FBP2: variants seen among roughly 807,000 people sequenced by gnomAD.
FBP2 encodes fructose-1,6-bisphosphatase isozyme 2.
FBP2 carries 27 observed loss-of-function variants against 31.6 expected under a neutral mutation model. That is an observed-to-expected ratio of 0.85 (90% confidence interval 0.63 to 1.18). The LOEUF (loss-of-function observed/expected upper bound fraction) is 1.18, where lower values mean the gene tolerates loss of function less well. Ranked by LOEUF, FBP2 falls within the 50% of genes most tolerant of loss-of-function variation. The pLI is 0.00. For missense variants in FBP2, 421 were observed against 436.1 expected (o/e 0.97, Z 0.31); for synonymous variants, 168 against 179.8 (o/e 0.93, Z 0.53).
chr9:94,568,158 T>C (rs939297759), intron 4 of FBP2: 4 of 151,986 alleles, frequency 2.6e-5, no homozygotes, highest in African/African-American at 4.8e-5. Flanking sequence ...GTACAGTTAT[T>C]TTGTTTATGT....
chr9:94,587,286 C>G, intron 2 of FBP2, 21 bp downstream of exon 2: 1 of 1,586,830 alleles, frequency 6.3e-7, no homozygotes, highest in Non-Finnish European at 8.5e-7. Context: ...GGCGAGCGGG[C>G]ACCGCAGCCC....
intron 1 of FBP2, among the ~76,000 whole-genome samples, chr9:94,590,443 C>T (rs550227274): frequency 6.0e-5 from 4 of 66,892 alleles, no homozygotes; most frequent in South Asian, 4.9e-4. Flanking sequence ...CAGGGGCTTG[C>T]GGTCCCCTGC....
intron 3 of FBP2, among the ~76,000 whole-genome samples, chr9:94,576,090 C>G (rs1373531432): frequency 1.3e-5 from 2 of 152,134 alleles, no homozygotes; most frequent in Non-Finnish European, 2.9e-5. Flanking sequence ...GACCTAGCTG[C>G]AAAATTCCAG....
intron 2 of FBP2, 49 bp downstream of exon 2, chr9:94,587,258 T>G: frequency 6.6e-7 from 1 of 1,521,500 alleles, no homozygotes; most frequent in Non-Finnish European, 8.9e-7. Context: ...TATTTCCGGC[T>G]CAGTATCATC....
intron 3 of FBP2, among the ~76,000 whole-genome samples, chr9:94,583,612 G>T (rs1827394365): frequency 6.6e-6 from 1 of 152,110 alleles, no homozygotes; most frequent in Admixed American, 6.6e-5. Context: ...GCTATGGATT[G>T]TTTGTTTGAG....
At chr9:94,591,585 G>C (rs955972983) in intron 1 of FBP2, among the ~76,000 whole-genome samples, 2 of 152,224 alleles carry the variant, frequency 1.3e-5, no homozygotes, top group Non-Finnish European at 2.9e-5. Flanking sequence ...CCAGAAAGTG[G>C]CTCCCACAGT....
rs1174386595 is a variant in FBP2, at chr9:94,561,352, A to ATTTTTTTTTTTTT, written c.825+1977_825+1989dup. Among the ~76,000 whole-genome samples, 21 of 54,988 alleles carry ATTTTTTTTTTTTT rather than the reference A, an allele frequency of 3.8e-4. 6 individuals carry two copies. Among genetic ancestry groups the ATTTTTTTTTTTTT allele is most frequent in the African/African-American group, 8.6e-4 (11 of 12,802 alleles). 36.1% of individuals were successfully genotyped at this position (54,988 alleles called of 152,430 possible). ...GCAGGCCATGTGACATGTGACCTGT[A>ATTTTTTTTTTTTT]TTTTTTTTTTTTTTTTTTTTTTTTT... On this transcript the variant is annotated intron_variant, in intron 6 of 6. Transcript: ENST00000375337.
At chr9:94,568,425 T>C (rs1827225369) in intron 4 of FBP2, 1 of 152,166 alleles carries the variant, frequency 6.6e-6, no homozygotes, top group Non-Finnish European at 1.5e-5. Flanking sequence ...TCACTAAAAA[T>C]GGGATCAGCT....
At chr9:94,562,763 T>G (rs373032941) in intron 6 of FBP2, among the ~76,000 whole-genome samples, 114 of 152,276 alleles carry the variant, frequency 7.5e-4, no homozygotes, top group African/African-American at 2.7e-3. Flanking sequence ...AATACAAGTA[T>G]TTTAAGTTTT....
intron 6 of FBP2, among the ~76,000 whole-genome samples, chr9:94,562,337 G>A (rs1827121988): frequency 6.9e-6 from 1 of 144,804 alleles, no homozygotes; most frequent in Admixed American, 7.0e-5. Flanking sequence ...AAAAAAGAAT[G>A]TCCATTGTCC....
chr9:94,577,386 T>C (rs1827325618), intron 3 of FBP2: 1 of 152,258 alleles, frequency 6.6e-6, no homozygotes, highest in Non-Finnish European at 1.5e-5. Flanking sequence ...GGTTACATAT[T>C]CTGGCCCATT....
chr9:94,593,772 G>C lies in FBP2; in HGVS notation c.-46C>G. ...TCCTTTTCTCCCGGCAGGAAACCTTGCTTACTTCTGAGGGCTGCAGCTCCG... is the reference window on the plus strand; with the variant it reads ...TCCTTTTCTCCCGGCAGGAAACCTTCCTTACTTCTGAGGGCTGCAGCTCCG... On this transcript the variant is annotated 5_prime_UTR_variant, in exon 1 of 7. Transcript: ENST00000375337. 1 of 1,603,470 alleles carries C rather than the reference G, an allele frequency of 6.2e-7. No individual in the cohort carries two copies. Among genetic ancestry groups the C allele is most frequent in the Non-Finnish European group, 8.5e-7 (1 of 1,173,370 alleles).
At chr9:94,592,511 C>T (rs1454378488) in intron 1 of FBP2, among the ~76,000 whole-genome samples, 2 of 152,072 alleles carry the variant, frequency 1.3e-5, no homozygotes, top group African/African-American at 4.8e-5. Flanking sequence ...ACAAGGGAAG[C>T]CCAAAGAAAG....
At chr9:94,569,260 T>G (rs1827238503) in intron 4 of FBP2, 1 of 152,320 alleles carries the variant, frequency 6.6e-6, no homozygotes, top group Non-Finnish European at 1.5e-5. Context: ...GGGGGTGGTG[T>G]CCAGGCCAGA....
chr9:94,562,122 TA>T (rs935307000), intron 6 of FBP2, among the ~76,000 whole-genome samples: 7 of 151,884 alleles, frequency 4.6e-5, no homozygotes, highest in Non-Finnish European at 2.9e-5. Flanking sequence ...CCATCCTGGC[TA>T]ACATGGTGAA....
intron 1 of FBP2, 150 bp downstream of exon 1, chr9:94,593,407 A>G (rs1270933118): frequency 3.1e-6 from 2 of 643,600 alleles, no homozygotes; most frequent in Non-Finnish European, 4.9e-6. Flanking sequence ...ATCAAAGCAC[A>G]CATGATAGGA....
intron 3 of FBP2, among the ~76,000 whole-genome samples, chr9:94,578,535 T>A (rs186400469): frequency 1.4e-4 from 21 of 152,210 alleles, no homozygotes; most frequent in African/African-American, 4.8e-4. Flanking sequence ...GATGTCTGGT[T>A]TACTTCTAAT....
chr9:94,587,306 C>T lies in FBP2; in HGVS notation c.333+1G>A, dbSNP rs769480784. The T allele has an allele frequency of 3.1e-6, 5 of 1,608,382 alleles. No homozygotes were observed. The Admixed American group carries it at 8.5e-5, about 27-fold the overall frequency. ...GCGGGCACCGCAGCCCCATGACGCA[C>T]CCGCTTCTCCTTGGCGGTGATGATG... is the stretch of plus-strand genomic sequence containing the variant. On this transcript the variant is annotated splice_donor_variant, in intron 2 of 6. Coordinates refer to ENST00000375337, the MANE Select transcript of FBP2 (RefSeq NM_003837.4). LOFTEE classifies it high-confidence loss of function.
At position 94,567,298 on chromosome 9, in the gene FBP2, T is replaced by G. The variant is rs1564181342; in HGVS notation, c.677A>C (p.Glu226Ala). 6.2e-7 allele frequency: 1 copy of G among 1,614,160 alleles called. No individual in the cohort carries two copies. The highest frequency in any genetic ancestry group is 8.5e-7 in the Non-Finnish European group (1 of 1,180,028). Reference protein sequence around the residue: ...YAKYFDAATTEYVQKKKFPED... With the variant: ...YAKYFDAATTAYVQKKKFPED... ...AGGGAATTTCTTTTTCTGCACATAT[T>G]CAGTGGTGGCCGCATCAAAATACTT... The change falls in exon 5 of 7, where the codon GAA becomes GCA. Residue 226 changes from glutamate (E) to alanine (A), a missense_variant. Physicochemically the swap from Glu to Ala is moderately radical, Grantham distance 107. Coordinates refer to ENST00000375337, the MANE Select transcript of FBP2 (RefSeq NM_003837.4).
Sources: allele counts gnomAD v4.1 joint callset (sites outside exome capture counted in the v4.1 genomes callset), GRCh38; gene constraint gnomAD v4.1.1; transcripts MANE v1.5; gene names NCBI Gene and HGNC (gene_info 2026-07-23, HGNC 2026-07-21).